NAV3: variants seen among roughly 807,000 people sequenced by gnomAD.
The protein encoded by NAV3 is neuron navigator 3.
NAV3 carries 87 observed loss-of-function variants against 244.7 expected under a neutral mutation model. The observed-to-expected ratio is 0.36, with a 90% CI of 0.30 to 0.42. The LOEUF (loss-of-function observed/expected upper bound fraction) is 0.42, where lower values mean the gene tolerates loss of function less well. Among genes scored for constraint, NAV3 ranks in the 20% least tolerant of loss-of-function variants. The pLI is 1.00. For missense variants in NAV3, 2,663 were observed against 2,893.3 expected (o/e 0.92, Z 1.83); for synonymous variants, 1,126 against 1,042.2 (o/e 1.08, Z -1.55).
chr12:77,813,081 C>G (rs947831378), intron 2 of NAV3, among the ~76,000 whole-genome samples: 71 of 152,122 alleles, frequency 4.7e-4, no homozygotes, highest in African/African-American at 1.5e-3. Context: ...CCTCAGCCTC[C>G]CAAAGTGCTG....
intron 1 of NAV3, among the ~76,000 whole-genome samples, chr12:77,910,918 G>A (rs1886517393): frequency 6.6e-6 from 1 of 152,136 alleles, no homozygotes; most frequent in Admixed American, 6.6e-5. Context: ...GTGAGATACT[G>A]AAGTAGTATG....
intron 22 of NAV3, 52 bp from the exon 23 acceptor site, chr12:78,159,150 CA>C: frequency 6.8e-7 from 1 of 1,466,680 alleles, no homozygotes; most frequent in Non-Finnish European, 9.4e-7. Context: ...GCTTTTCATC[CA>C]TCCACATAAG....
chr12:77,826,028 T>C (rs1004692556), upstream of NAV3, among the ~76,000 whole-genome samples: 8 of 152,040 alleles, frequency 5.3e-5, no homozygotes, highest in African/African-American at 1.9e-4. Context: ...ACTGAAGATA[T>C]GAAGTATAGA....
At chr12:77,884,917 T>G (rs184070139) in intron 1 of NAV3, among the ~76,000 whole-genome samples, 1 of 152,128 alleles carries the variant, frequency 6.6e-6, no homozygotes, top group Non-Finnish European at 1.5e-5. Context: ...AAATTATTAA[T>G]GAATTTCTCC....
Position 77,720,854 on chromosome 12 carries a change from AG to A in NAV3, c.72+148591del, listed in dbSNP as rs1323261896. On this transcript the variant is annotated intron_variant, in intron 2 of 8. Transcript: ENST00000550042. ...TGTACTATTGTCCATGGAGGGAAGG[AG>A]GGTCTGGGACTTTCTCTTCTGTCAT... Among the ~76,000 whole-genome samples, 5 of 152,192 alleles carry A rather than the reference AG, an allele frequency of 3.3e-5. No individual in the cohort carries two copies. The South Asian group carries it at 1.0e-3, about 32-fold the overall frequency.
intron 2 of NAV3, among the ~76,000 whole-genome samples, chr12:77,621,637 G>A (rs868832355): frequency 2.0e-5 from 3 of 151,650 alleles, no homozygotes; most frequent in African/African-American, 7.3e-5. Flanking sequence ...AAGCCACCAC[G>A]CCCAGCTAAT....
At chr12:77,844,903 G>T (rs114051864) in intron 1 of NAV3, among the ~76,000 whole-genome samples, 2 of 152,008 alleles carry the variant, frequency 1.3e-5, no homozygotes, top group Non-Finnish European at 2.9e-5. Flanking sequence ...CAATTTTCTC[G>T]ACTTTGGGAT....
chr12:78,003,507 G>C (rs570673894), intron 7 of NAV3, among the ~76,000 whole-genome samples: 72 of 152,176 alleles, frequency 4.7e-4, no homozygotes, highest in Non-Finnish European at 8.4e-4. Context: ...TTGGAACCTA[G>C]TTTACTTTTG....
chr12:77,898,243 G>A (rs60007472), intron 1 of NAV3, among the ~76,000 whole-genome samples: 8 of 151,960 alleles, frequency 5.3e-5, no homozygotes, highest in East Asian at 3.9e-4. Flanking sequence ...ATTTCATTTC[G>A]TTTTAAATAT....
intron 1 of NAV3, among the ~76,000 whole-genome samples, chr12:77,865,063 C>G (rs1157790971): frequency 1.3e-5 from 2 of 151,886 alleles, no homozygotes; most frequent in Non-Finnish European, 1.5e-5. Context: ...CTTGTAAGAT[C>G]TATGAGAAAA....
rs149166037 is a variant in NAV3 at position 77,901,034 on chromosome 12, C to T, written c.244-39285C>T. ...GTTGGCCCCTTGTATGTCCATTTTG[C>T]GAAGTATCTGTTCATGTCCTTTGCC... On this transcript the variant is annotated intron_variant, in intron 1 of 39. Transcript: ENST00000397909. Among the ~76,000 whole-genome samples the T allele has an allele frequency of 1.1e-3, 172 of 152,136 alleles. 1 individual carries two copies. Among genetic ancestry groups the T allele is most frequent in the African/African-American group, 4.0e-3 (165 of 41,512 alleles).
At chr12:78,111,926 ATATATATT>A (rs1955113323) in intron 12 of NAV3, among the ~76,000 whole-genome samples, 2 of 152,194 alleles carry the variant, frequency 1.3e-5, no homozygotes, top group South Asian at 4.1e-4. Flanking sequence ...TAGTAAAGAA[ATATATATT>A]TCTAAATTTA....
At position 77,922,245 on chromosome 12, in the gene NAV3, G is replaced by T. The variant is rs74106213; in HGVS notation, c.244-18074G>T. On this transcript the variant is annotated intron_variant, in intron 1 of 39. Transcript: ENST00000397909. ...CTCTGTGTTTTGAAATTTTTGAGCTGTGAACCAGAGAGGTTTTTTTGGGTT... is the reference window on the plus strand; with the variant it reads ...CTCTGTGTTTTGAAATTTTTGAGCTTTGAACCAGAGAGGTTTTTTTGGGTT... Among the ~76,000 whole-genome samples the T allele has an allele frequency of 7.1e-3, 1,087 of 152,256 alleles. 14 individuals are homozygous for T. The highest frequency in any genetic ancestry group is 0.025 in the African/African-American group (1,023 of 41,562).
At chr12:77,855,389 AAAG>A (rs1878240691) in intron 1 of NAV3, among the ~76,000 whole-genome samples, 1 of 152,186 alleles carries the variant, frequency 6.6e-6, no homozygotes, top group South Asian at 2.1e-4. Flanking sequence ...TTACAAAATG[AAAG>A]AAGGTCAGTT....
At chr12:77,850,897 C>T (rs574415478) in intron 1 of NAV3, among the ~76,000 whole-genome samples, 25 of 152,266 alleles carry the variant, frequency 1.6e-4, no homozygotes, top group African/African-American at 6.0e-4. Flanking sequence ...TGTGGACACC[C>T]TCTGTTGGCA....
At chr12:78,035,816 C>G (rs1313998841) in intron 9 of NAV3, among the ~76,000 whole-genome samples, 1 of 152,102 alleles carries the variant, frequency 6.6e-6, no homozygotes, top group Admixed American at 6.5e-5. Context: ...TGACTTTGTT[C>G]TTTAAAAGAT....
intron 2 of NAV3, among the ~76,000 whole-genome samples, chr12:77,660,647 A>G (rs542815875): frequency 1.3e-5 from 2 of 152,188 alleles, no homozygotes; most frequent in Non-Finnish European, 2.9e-5. Flanking sequence ...GTGCATATAT[A>G]CAGACATGTT....
At chr12:78,129,426 T>G (rs1956066349) in intron 18 of NAV3, among the ~76,000 whole-genome samples, 1 of 152,198 alleles carries the variant, frequency 6.6e-6, no homozygotes, top group Non-Finnish European at 1.5e-5. Flanking sequence ...CAAGAATTTC[T>G]GTTAAGACAA....
intron 18 of NAV3, among the ~76,000 whole-genome samples, chr12:78,131,801 G>A (rs189561618): frequency 1.3e-5 from 2 of 152,248 alleles, no homozygotes; most frequent in African/African-American, 4.8e-5. Flanking sequence ...ATGTAAAGAT[G>A]GAGAAGTGTG....
Sources: allele counts gnomAD v4.1 joint callset (sites outside exome capture counted in the v4.1 genomes callset), GRCh38; gene constraint gnomAD v4.1.1; transcripts MANE v1.5; gene names NCBI Gene and HGNC (gene_info 2026-07-23, HGNC 2026-07-21).